The following PSMA1 variants were observed in gnomAD, a reference collection of about 807,000 sequenced individuals.
The protein encoded by PSMA1 is proteasome 20S subunit alpha 1, also known as proteasome subunit alpha type-1.
Under a neutral mutation model 38.4 loss-of-function variants are expected in PSMA1, and 3 were observed. The ratio of observed to expected loss-of-function variants is 0.08; its 90% CI spans 0.04 to 0.20. The LOEUF (loss-of-function observed/expected upper bound fraction) is 0.20, where lower values mean the gene tolerates loss of function less well. PSMA1 is among the 10% of genes least tolerant of loss of function. PSMA1 has a pLI of 1.00. For synonymous variants in PSMA1, 101 were observed against 107.1 expected, an observed-to-expected ratio of 0.94 and a Z score of 0.35; for missense variants, 227 against 325.3, an observed-to-expected ratio of 0.70 and a Z score of 2.32.
intron 2 of PSMA1, among the ~76,000 whole-genome samples, chr11:14,565,844 CACAGTATTT>C (rs1466261533): frequency 6.6e-6 from 1 of 152,110 alleles, no homozygotes; most frequent in African/African-American, 2.4e-5. Flanking sequence ...TGTTTATTTC[CACAGTATTT>C]ACTGTACGGC....
chr11:14,550,746 G>A (rs1166402834), intron 2 of PSMA1, among the ~76,000 whole-genome samples: 5 of 151,312 alleles, frequency 3.3e-5, no homozygotes, highest in South Asian at 2.1e-4. Flanking sequence ...ATTTTTTTAC[G>A]GGAAAATAAC....
chr11:14,513,532 C>CAAAAAA (rs59773789), intron 7 of PSMA1, 38 bp downstream of exon 7: 18 of 1,155,208 alleles, frequency 1.6e-5, no homozygotes, highest in Admixed American at 1.5e-4. Context: ...CTGGAAAAGG[C>CAAAAAA]AAAAAAAAAA....
intron 2 of PSMA1, among the ~76,000 whole-genome samples, chr11:14,609,389 A>C (rs1027708354): frequency 6.6e-6 from 1 of 152,144 alleles, no homozygotes; most frequent in Non-Finnish European, 1.5e-5. Context: ...AGCTAATAAA[A>C]CAGACAAAGA....
intron 7 of PSMA1, 129 bp downstream of exon 7, chr11:14,513,441 C>T: frequency 9.8e-7 from 1 of 1,024,470 alleles, no homozygotes; most frequent in Non-Finnish European, 1.3e-6. Flanking sequence ...TCTTCATGGG[C>T]ATAATTTTTT....
intron 2 of PSMA1, among the ~76,000 whole-genome samples, chr11:14,556,984 T>A (rs1851946834): frequency 6.6e-6 from 1 of 152,112 alleles, no homozygotes; most frequent in Non-Finnish European, 1.5e-5. Flanking sequence ...TACAGGTGCA[T>A]ACCCAGCTAC....
intron 2 of PSMA1, among the ~76,000 whole-genome samples, chr11:14,593,596 T>C (rs1852447681): frequency 1.1e-5 from 1 of 92,806 alleles, no homozygotes; most frequent in African/African-American, 4.2e-5. Context: ...TCAAAGAAAG[T>C]AATAGAGGAG....
chr11:14,584,959 C>T (rs1485156048), intron 2 of PSMA1, among the ~76,000 whole-genome samples: 2 of 152,228 alleles, frequency 1.3e-5, no homozygotes, highest in African/African-American at 2.4e-5. Flanking sequence ...GACAAACAAC[C>T]TTATACACTA....
chr11:14,520,774 C>A (rs184314113), upstream of PSMA1: 1 of 176,624 alleles, frequency 5.7e-6, no homozygotes, highest in Admixed American at 5.8e-5. Context: ...CACAAGATAA[C>A]GATCCGTTTC....
chr11:14,634,246 G>C (rs1296845738), intron 1 of PSMA1, among the ~76,000 whole-genome samples: 1 of 152,160 alleles, frequency 6.6e-6, no homozygotes, highest in Non-Finnish European at 1.5e-5. Flanking sequence ...GTGCCAAAAA[G>C]GTTGGGACTG....
intron 1 of PSMA1, among the ~76,000 whole-genome samples, chr11:14,638,730 T>C (rs751791005): frequency 1.3e-5 from 2 of 149,708 alleles, no homozygotes; most frequent in Non-Finnish European, 3.0e-5. Flanking sequence ...AGTTTGTCAC[T>C]TTCCTGGGCA....
chr11:14,553,828 T>G (rs1462473430), intron 2 of PSMA1, among the ~76,000 whole-genome samples: 1 of 152,200 alleles, frequency 6.6e-6, no homozygotes, highest in Non-Finnish European at 1.5e-5. Flanking sequence ...TTACTCTGGG[T>G]AAATGCCTAG....
At chr11:14,634,769 T>C (rs1853090300) in intron 1 of PSMA1, among the ~76,000 whole-genome samples, 1 of 152,248 alleles carries the variant, frequency 6.6e-6, no homozygotes, top group African/African-American at 2.4e-5. Flanking sequence ...ATGAAGCTAA[T>C]ATATCCCTTC....
At chr11:14,545,567 G>A (rs1851817221) in intron 2 of PSMA1, among the ~76,000 whole-genome samples, 1 of 152,168 alleles carries the variant, frequency 6.6e-6, no homozygotes, top group Admixed American at 6.5e-5. Flanking sequence ...GCGGTGTTTG[G>A]TTTTCTTTTC....
chr11:14,610,246 C>T (rs1443456496), intron 2 of PSMA1, among the ~76,000 whole-genome samples: 1 of 152,140 alleles, frequency 6.6e-6, no homozygotes, highest in Non-Finnish European at 1.5e-5. Flanking sequence ...ACTCAAAGTG[C>T]CTTTCCTTTA....
rs185699457 is a variant in PSMA1 at position 14,536,398 on chromosome 11, G to C, written c.22-17357C>G. Among the ~76,000 whole-genome samples the C allele has an allele frequency of 6.0e-4, 91 of 151,726 alleles. 1 individual carries two copies. Among genetic ancestry groups the C allele is most frequent in the African/African-American group, 2.1e-3 (85 of 41,446 alleles). On this transcript the variant is annotated intron_variant, in intron 2 of 10. Coordinates refer to the PSMA1 transcript ENST00000418988. ...AAACATTAGCCGGGCTTGGTGGTGAGCGCCTGTAATCCCAACTACTCAGGA... is the reference window on the plus strand; with the variant it reads ...AAACATTAGCCGGGCTTGGTGGTGACCGCCTGTAATCCCAACTACTCAGGA...
intron 2 of PSMA1, among the ~76,000 whole-genome samples, chr11:14,580,446 C>A (rs1392645162): frequency 6.6e-6 from 1 of 152,174 alleles, no homozygotes; most frequent in Non-Finnish European, 1.5e-5. Flanking sequence ...TAAAAAGCCT[C>A]CTTATTCTCT....
chr11:14,594,573 T>G (rs2134190157), intron 2 of PSMA1, among the ~76,000 whole-genome samples: 1 of 152,330 alleles, frequency 6.6e-6, no homozygotes, highest in South Asian at 2.1e-4. Context: ...TTTCTGTTAA[T>G]CAAAATTGTA....
chr11:14,531,526 G>A (rs914494760), intron 2 of PSMA1, among the ~76,000 whole-genome samples: 10 of 152,094 alleles, frequency 6.6e-5, no homozygotes, highest in East Asian at 1.9e-4. Flanking sequence ...GCAATGGCGC[G>A]AACTTAGCTC....
At chr11:14,571,870 T>A (rs1245730892) in intron 2 of PSMA1, among the ~76,000 whole-genome samples, 1 of 152,044 alleles carries the variant, frequency 6.6e-6, no homozygotes, top group African/African-American at 2.4e-5. Flanking sequence ...AAGTCTAGTC[T>A]CTGATAAAAT....
Sources: gnomAD v4.1 joint callset for allele counts (sites outside exome capture counted in the v4.1 genomes callset) on GRCh38, gnomAD v4.1.1 for gene constraint, MANE v1.5 for transcripts, NCBI Gene and HGNC (gene_info 2026-07-23, HGNC 2026-07-21) for gene names.